The following AAGAB variants were observed in gnomAD, a reference collection of about 807,000 sequenced individuals.
AAGAB encodes alpha- and gamma-adaptin-binding protein p34.
A neutral mutation model predicts 44.1 loss-of-function variants in AAGAB; 38 were observed. That is an observed-to-expected ratio of 0.86 (90% CI 0.67 to 1.13). The LOEUF is 1.13. Ranked by LOEUF, AAGAB falls within the 50% of genes most tolerant of loss-of-function variation. AAGAB has a pLI of 0.00. For missense variants in AAGAB, 450 were observed against 373.8 expected, an observed-to-expected ratio of 1.20 and a Z score of -1.68; for synonymous variants, 131 against 131.8, an observed-to-expected ratio of 0.99 and a Z score of 0.04.
chr15:67,241,891 G>A lies in AAGAB; in HGVS notation c.74-5071C>T, dbSNP rs189266179. On this transcript the variant is annotated intron_variant, in intron 1 of 9. Coordinates refer to ENST00000261880, the MANE Select transcript of AAGAB (RefSeq NM_024666.5). Reference sequence around the variant, plus strand: ...ATCTCCTTTAAGCTGCTCTAGCCTTGCCCTTCCACCCCAGACCACCCCCTA... The same window carrying A: ...ATCTCCTTTAAGCTGCTCTAGCCTTACCCTTCCACCCCAGACCACCCCCTA... Among the ~76,000 whole-genome samples the A allele has an allele frequency of 6.2e-4, 95 of 152,182 alleles. 1 individual carries two copies. Among genetic ancestry groups the A allele is most frequent in the African/African-American group, 2.2e-3 (90 of 41,536 alleles).
intron 1 of AAGAB, among the ~76,000 whole-genome samples, chr15:67,239,644 C>T (rs1012664181): frequency 6.6e-6 from 1 of 152,074 alleles, no homozygotes; most frequent in Non-Finnish European, 1.5e-5. Context: ...TTCTTCAAGG[C>T]TGCATATGGA....
chr15:67,236,640 T>C lies in AAGAB; in HGVS notation c.254A>G (p.Asp85Gly), dbSNP rs1191910078. ...AAAACAAAGTCTTACTTGTGTGCTG[T>C]CAAAGTAAACCACAAATGCTTGGAC... Reference protein sequence around the residue: ...ESVQAFVVYFDSTQKSGLDSV... With the variant: ...ESVQAFVVYFGSTQKSGLDSV... The change falls in exon 2 of 10, where the codon GAC becomes GGC. Residue 85 changes from aspartate to glycine, a missense_variant. Asp to Gly is a moderately conservative substitution (Grantham distance 94, BLOSUM62 -1). Coordinates refer to ENST00000261880, the MANE Select transcript of AAGAB (RefSeq NM_024666.5). 2 of 1,613,090 alleles carry C rather than the reference T, an allele frequency of 1.2e-6. No homozygotes were observed. Among genetic ancestry groups the C allele is most frequent in the Admixed American group, 1.7e-5 (1 of 59,862 alleles).
chr15:67,222,800 TCCA>T (rs1211825499), intron 5 of AAGAB, among the ~76,000 whole-genome samples: 1 of 152,132 alleles, frequency 6.6e-6, no homozygotes, highest in African/African-American at 2.4e-5. Context: ...AATAAAAATC[TCCA>T]CCACATTTTT....
intron 1 of AAGAB, among the ~76,000 whole-genome samples, chr15:67,245,488 A>G (rs1288030139): frequency 2.0e-5 from 3 of 152,240 alleles, no homozygotes; most frequent in Non-Finnish European, 2.9e-5. Context: ...GTGACTGCAA[A>G]TAGTCACAAA....
At chr15:67,208,511 C>G in intron 7 of AAGAB, 51 bp downstream of exon 7, 1 of 1,520,966 alleles carries the variant, frequency 6.6e-7, no homozygotes, top group Non-Finnish European at 9.1e-7. Flanking sequence ...GCCCAGATAC[C>G]TATTCCAAGT....
At chr15:67,216,229 GC>G (rs1963941673) in intron 5 of AAGAB, among the ~76,000 whole-genome samples, 1 of 151,888 alleles carries the variant, frequency 6.6e-6, no homozygotes. Flanking sequence ...GGATCACGAG[GC>G]CAAGAGCTCG....
chr15:67,213,189 G>A (rs1963863340), intron 5 of AAGAB, among the ~76,000 whole-genome samples: 1 of 152,152 alleles, frequency 6.6e-6, no homozygotes, highest in African/African-American at 2.4e-5. Flanking sequence ...TAGTACTCTA[G>A]TAAGTTGACA....
chr15:67,216,883 G>C (rs1371794107), intron 5 of AAGAB, among the ~76,000 whole-genome samples: 1 of 152,180 alleles, frequency 6.6e-6, no homozygotes, highest in East Asian at 1.9e-4. Flanking sequence ...AGTGCCTCCA[G>C]GGTAACTAAT....
At chr15:67,247,190 G>C (rs1364944071) in intron 1 of AAGAB, among the ~76,000 whole-genome samples, 1 of 152,090 alleles carries the variant, frequency 6.6e-6, no homozygotes, top group East Asian at 1.9e-4. Context: ...GAACCCACCA[G>C]AAGGAAGAAA....
At chr15:67,251,245 T>TGTGTGC (rs1461263568) in intron 1 of AAGAB, among the ~76,000 whole-genome samples, 1 of 151,812 alleles carries the variant, frequency 6.6e-6, no homozygotes, top group Admixed American at 6.6e-5. Flanking sequence ...TCTGTGTGTG[T>TGTGTGC]GTGTGTGTGT....
chr15:67,217,276 T>C (rs1041253750), intron 5 of AAGAB, among the ~76,000 whole-genome samples: 1 of 152,220 alleles, frequency 6.6e-6, no homozygotes, highest in African/African-American at 2.4e-5. Flanking sequence ...CTACCCATCC[T>C]AGAGGTTAGG....
At chr15:67,213,663 A>G (rs1963875962) in intron 5 of AAGAB, among the ~76,000 whole-genome samples, 1 of 152,196 alleles carries the variant, frequency 6.6e-6, no homozygotes, top group Admixed American at 6.5e-5. Flanking sequence ...TCCTACTTCT[A>G]CTATTTACTG....
intron 5 of AAGAB, among the ~76,000 whole-genome samples, chr15:67,218,182 A>G (rs796524468): frequency 2.6e-5 from 4 of 152,242 alleles, no homozygotes; most frequent in African/African-American, 9.6e-5. Context: ...GTTTAATCTA[A>G]TCCCTCTTTC....
intron 5 of AAGAB, among the ~76,000 whole-genome samples, chr15:67,224,727 T>C (rs1964164056): frequency 6.6e-6 from 1 of 151,964 alleles, no homozygotes; most frequent in African/African-American, 2.4e-5. Context: ...ATTACAGTCA[T>C]GCACCACCAC....
chr15:67,236,028 A>G lies in AAGAB; in HGVS notation c.402T>C (p.His134=), dbSNP rs773247429. 2.5e-6 allele frequency: 4 copies of G among 1,613,662 alleles called. No individual in the cohort carries two copies. The East Asian group carries it at 8.9e-5, about 36-fold the overall frequency. The change falls in exon 4 of 10, where the codon CAT becomes CAC. Residue 134 remains histidine, a synonymous_variant. Transcript: ENST00000261880. Reference sequence around the variant, plus strand: ...GACTAAGTTCTACCAATTCAAAGCCATGTTTGATGCACCATTCTTGAGCTT... The same window carrying G: ...GACTAAGTTCTACCAATTCAAAGCCGTGTTTGATGCACCATTCTTGAGCTT... ...RQKAQEWCIK[H]GFELVELSPE...
At position 67,236,512 on chromosome 15, in the gene AAGAB, G is replaced by A. The variant is rs1276221604; in HGVS notation, c.265-8C>T. The stretch of plus-strand genomic sequence containing the variant: ...ACTATCAAGGCCCGATTTCTAGAGG[G>A]AACAAAAAATATAAACAAACAAAAA... On this transcript the variant is annotated splice_polypyrimidine_tract_variant and splice_region_variant and intron_variant, in intron 2 of 9. Transcript: ENST00000261880. The A allele has an allele frequency of 2.5e-6, 4 of 1,611,928 alleles. No homozygotes were observed. Among genetic ancestry groups the A allele is most frequent in the Middle Eastern group, 1.7e-4 (1 of 6,054 alleles).
intron 9 of AAGAB, 115 bp from the exon 10 acceptor site, chr15:67,203,013 C>T (rs2140340208): frequency 3.4e-6 from 3 of 876,020 alleles, no homozygotes; most frequent in Non-Finnish European, 1.9e-6. Flanking sequence ...CTCCAGTCCT[C>T]TGGCAACACA....
At chr15:67,219,941 T>TC (rs1964031720) in intron 5 of AAGAB, among the ~76,000 whole-genome samples, 2 of 152,162 alleles carry the variant, frequency 1.3e-5, no homozygotes, top group Non-Finnish European at 2.9e-5. Context: ...GCCTTAAATC[T>TC]GATATTAAGT....
Position 67,202,811 on chromosome 15 carries a change from T to C in AAGAB, c.*10A>G. 6.2e-7 allele frequency: 1 copy of C among 1,612,902 alleles called. No homozygotes were observed. The highest frequency in any genetic ancestry group is 8.5e-7 in the Non-Finnish European group (1 of 1,178,836). ...AGCATCTTTGTTGGTCAAACCCTAG[T>C]ATGAATAATTCAGTGCTCTTCATCA... On this transcript the variant is annotated 3_prime_UTR_variant, in exon 10 of 10. Coordinates refer to ENST00000261880, the MANE Select transcript of AAGAB (RefSeq NM_024666.5).
Sources: allele counts gnomAD v4.1 joint callset (sites outside exome capture counted in the v4.1 genomes callset), GRCh38; gene constraint gnomAD v4.1.1; transcripts MANE v1.5; gene names NCBI Gene and HGNC (gene_info 2026-07-23, HGNC 2026-07-21).